The following PARD3B variants were observed in gnomAD, a reference collection of about 807,000 sequenced individuals.
PARD3B encodes partitioning defective 3 homolog B.
In PARD3B, 103 loss-of-function variants were observed where a neutral mutation model predicts 130.2. The ratio of observed to expected loss-of-function variants is 0.79; its 90% CI spans 0.67 to 0.93. The LOEUF (loss-of-function observed/expected upper bound fraction) is 0.93, where lower values mean the gene tolerates loss of function less well. Ranked by LOEUF, PARD3B falls within the 40% of genes least tolerant of loss-of-function variation. The pLI is 0.00. For synonymous variants in PARD3B, 583 were observed against 553.2 expected (o/e 1.05, Z -0.76); for missense variants, 1,609 against 1,499.2 (o/e 1.07, Z -1.21).
At chr2:205,444,756 A>G (rs2047846269) in intron 20 of PARD3B, among the ~76,000 whole-genome samples, 1 of 152,222 alleles carries the variant, frequency 6.6e-6, no homozygotes, top group African/African-American at 2.4e-5. Context: ...CATTGGAGAC[A>G]GGAGAGTATA....
chr2:205,145,709 A>G (rs991347162), intron 10 of PARD3B, among the ~76,000 whole-genome samples: 2 of 151,440 alleles, frequency 1.3e-5, no homozygotes, highest in African/African-American at 4.9e-5. Context: ...TTTCTACGGC[A>G]TGCTCCGTGT....
rs1383880012 is a variant in PARD3B, at chr2:205,579,183, G to A, written c.3260+25780G>A. Reference sequence around the variant, plus strand: ...TCTTTTCAAAAAAGAAATGAGAACGGTTGAGCATCTGGATTTTGGGAATCA... The same window carrying A: ...TCTTTTCAAAAAAGAAATGAGAACGATTGAGCATCTGGATTTTGGGAATCA... On this transcript the variant is annotated intron_variant, in intron 22 of 22. Transcript: ENST00000406610. 7.9e-5 allele frequency among the ~76,000 whole-genome samples: 12 copies of A among 152,140 alleles called. No individual in the cohort carries two copies. In the East Asian group the frequency reaches 1.9e-3, roughly 24 times the overall value.
intron 16 of PARD3B, among the ~76,000 whole-genome samples, chr2:205,266,951 A>G (rs1041453667): frequency 3.3e-5 from 5 of 152,182 alleles, no homozygotes; most frequent in African/African-American, 9.6e-5. Context: ...ATTTTCAACA[A>G]AAACGATCTC....
chr2:205,203,921 A>C (rs181176621), intron 15 of PARD3B, among the ~76,000 whole-genome samples: 15 of 152,310 alleles, frequency 9.8e-5, no homozygotes, highest in African/African-American at 3.1e-4. Context: ...ATACGTGTAC[A>C]TGTCTCTTCA....
chr2:205,445,265 C>T (rs1268808244), intron 20 of PARD3B, among the ~76,000 whole-genome samples: 1 of 152,158 alleles, frequency 6.6e-6, no homozygotes, highest in Non-Finnish European at 1.5e-5. Flanking sequence ...ATGATATAGA[C>T]CCACACTCTC....
In PARD3B at chr2:205,615,666, A is replaced by C. The variant is rs528795992; in HGVS notation, c.3471A>C (p.Gln1157His). 1.2e-6 allele frequency: 2 copies of C among 1,614,002 alleles called. No homozygotes were observed. The highest frequency in any genetic ancestry group is 2.2e-5 in the East Asian group (1 of 44,836). Reference sequence around the variant, plus strand: ...CCCAGCACAAAGGACCCTTTCGACAAGACGTTCCGCCTTCCCCTCCCCAGC... The same window carrying C: ...CCCAGCACAAAGGACCCTTTCGACACGACGTTCCGCCTTCCCCTCCCCAGC... ...PAPQHKGPFR[Q>H]DVPPSPPQHQ... The change falls in exon 23 of 23, where the codon CAA becomes CAC. Residue 1157 changes from glutamine to histidine, a missense_variant. Gln to His is a conservative substitution (Grantham distance 24). Coordinates refer to ENST00000406610, the MANE Select transcript of PARD3B (RefSeq NM_001302769.2).
intron 18 of PARD3B, among the ~76,000 whole-genome samples, chr2:205,372,885 G>A (rs1320497579): frequency 1.3e-5 from 2 of 152,080 alleles, no homozygotes; most frequent in African/African-American, 2.4e-5. Flanking sequence ...AGGCTGAGGT[G>A]GGAGGATCAC....
At chr2:204,636,533 T>G (rs10170405) in intron 1 of PARD3B, among the ~76,000 whole-genome samples, 1 of 150,870 alleles carries the variant, frequency 6.6e-6, no homozygotes, top group Non-Finnish European at 1.5e-5. Context: ...GTCCTTTTCT[T>G]TCTTGATGCC....
chr2:205,083,879 T>C (rs1476046684), intron 4 of PARD3B, among the ~76,000 whole-genome samples: 1 of 152,122 alleles, frequency 6.6e-6, no homozygotes, highest in Non-Finnish European at 1.5e-5. Context: ...AGCAACACAT[T>C]GCCATCTTGT....
chr2:205,316,913 A>G (rs1574680285), intron 18 of PARD3B, among the ~76,000 whole-genome samples: 2 of 152,264 alleles, frequency 1.3e-5, no homozygotes, highest in East Asian at 1.9e-4. Flanking sequence ...TTTTTCTAAC[A>G]TCGTCTTTTA....
At chr2:205,521,795 G>GTTACA (rs1193638200) in intron 21 of PARD3B, among the ~76,000 whole-genome samples, 1 of 151,960 alleles carries the variant, frequency 6.6e-6, no homozygotes. Context: ...ATACAGAAGG[G>GTTACA]TTACATTACC....
chr2:204,826,738 G>A (rs1466697958), intron 2 of PARD3B, among the ~76,000 whole-genome samples: 1 of 152,060 alleles, frequency 6.6e-6, no homozygotes, highest in Non-Finnish European at 1.5e-5. Flanking sequence ...TTGCATTCTC[G>A]GCTGGGCATG....
At chr2:204,597,987 T>G (rs1389227150) in intron 1 of PARD3B, among the ~76,000 whole-genome samples, 1 of 152,192 alleles carries the variant, frequency 6.6e-6, no homozygotes, top group Non-Finnish European at 1.5e-5. Context: ...TCCCATAGAA[T>G]TATTGTTATG....
At chr2:204,751,529 C>G (rs2040469074) in intron 2 of PARD3B, among the ~76,000 whole-genome samples, 1 of 152,216 alleles carries the variant, frequency 6.6e-6, no homozygotes, top group Admixed American at 6.5e-5. Context: ...CCCTCCAGAT[C>G]TGGCCCAATT....
At chr2:205,010,333 C>T (rs1335951265) in intron 3 of PARD3B, among the ~76,000 whole-genome samples, 1 of 152,214 alleles carries the variant, frequency 6.6e-6, no homozygotes, top group East Asian at 1.9e-4. Flanking sequence ...CTTGCAGCCT[C>T]TGTGCATGAA....
chr2:205,240,965 A>G (rs1331043479), intron 15 of PARD3B, among the ~76,000 whole-genome samples: 2 of 152,190 alleles, frequency 1.3e-5, no homozygotes, highest in Non-Finnish European at 2.9e-5. Flanking sequence ...TAGTTCTCAG[A>G]GTGCCATCTT....
intron 20 of PARD3B, among the ~76,000 whole-genome samples, chr2:205,490,114 C>CT (rs939516942): frequency 2.0e-5 from 3 of 151,882 alleles, no homozygotes; most frequent in Non-Finnish European, 4.4e-5. Context: ...GCCTTTATTT[C>CT]TTTTTTATAT....
intron 2 of PARD3B, among the ~76,000 whole-genome samples, chr2:204,762,132 T>C (rs1421701223): frequency 6.9e-6 from 1 of 145,374 alleles, no homozygotes; most frequent in Non-Finnish European, 1.5e-5. Flanking sequence ...TTTTTTTTTT[T>C]TTTTTTTGAG....
intron 1 of PARD3B, among the ~76,000 whole-genome samples, chr2:204,576,149 T>C (rs775949662): frequency 1.3e-5 from 2 of 152,216 alleles, no homozygotes; most frequent in African/African-American, 4.8e-5. Flanking sequence ...ATCTAGCCTT[T>C]GGTCTGATTT....
Sources: gnomAD v4.1 joint callset for allele counts (sites outside exome capture counted in the v4.1 genomes callset) on GRCh38, gnomAD v4.1.1 for gene constraint, MANE v1.5 for transcripts, NCBI Gene and HGNC (gene_info 2026-07-23, HGNC 2026-07-21) for gene names.